Variants in NME7 observed in about 807,000 individuals in gnomAD.
NME7 encodes the protein NME/NM23 family member 7.
A neutral mutation model predicts 49.1 loss-of-function variants in NME7; 41 were observed. The observed-to-expected ratio is 0.83, with a 90% confidence interval of 0.65 to 1.08. NME7 has a LOEUF of 1.08. NME7 is among the 50% of genes least tolerant of loss of function. The pLI is 0.00. For synonymous variants in NME7, 139 were observed against 150.6 expected (o/e 0.92, Z 0.56); for missense variants, 423 against 463.4 (o/e 0.91, Z 0.80).
Position 169,265,409 on chromosome 1 carries a change from A to C in NME7, c.754+21894T>G, listed in dbSNP as rs1247144072. Among the ~76,000 whole-genome samples the C allele has an allele frequency of 1.5e-5, 2 of 133,690 alleles. 1 individual carries two copies. Among genetic ancestry groups the C allele is most frequent in the East Asian group, 3.9e-4 (2 of 5,068 alleles). The allele number at this position is 133,690 out of a possible 152,430, so 87.7% of individuals were successfully genotyped here. ...TAGGTAAATAATGAAATTAAGGCAG[A>C]AATCAAGAAGTTCTTTGAAATGAAT... is the stretch of plus-strand genomic sequence containing the variant. On this transcript the variant is annotated intron_variant, in intron 7 of 11. Coordinates refer to ENST00000367811, the MANE Select transcript of NME7 (RefSeq NM_013330.5).
chr1:169,272,983 A>C lies in NME7; in HGVS notation c.754+14320T>G, dbSNP rs192096108. On this transcript the variant is annotated intron_variant, in intron 7 of 11. Coordinates refer to ENST00000367811, the MANE Select transcript of NME7 (RefSeq NM_013330.5). The stretch of plus-strand genomic sequence containing the variant: ...GCTGTTTCTTGACTTTTCAATGATC[A>C]CCATTCGAACTGGCGTGAGATGGTA... Among the ~76,000 whole-genome samples the C allele has an allele frequency of 8.4e-3, 1,127 of 133,598 alleles. 139 individuals carry two copies. Among genetic ancestry groups the C allele is most frequent in the African/African-American group, 0.027 (1,055 of 39,514 alleles). 87.6% of individuals were successfully genotyped at this position (133,598 alleles called of 152,430 possible). A position where few individuals can be genotyped will look rare whatever the true frequency, so the allele number is the denominator to read the frequency against.
intron 11 of NME7, among the ~76,000 whole-genome samples, chr1:169,133,812 G>T (rs1658336228): frequency 2.0e-5 from 3 of 152,196 alleles, no homozygotes; most frequent in Admixed American, 1.3e-4. Context: ...AGCTCATTTT[G>T]TAAGGTGTAT....
chr1:169,220,112 T>C (rs922864575), intron 10 of NME7, among the ~76,000 whole-genome samples: 3 of 152,156 alleles, frequency 2.0e-5, no homozygotes, highest in African/African-American at 7.2e-5. Flanking sequence ...TTTCAACCCA[T>C]ATGTTGTTTT....
chr1:169,145,141 A>G (rs1298919041), intron 11 of NME7, among the ~76,000 whole-genome samples: 1 of 152,212 alleles, frequency 6.6e-6, no homozygotes, highest in Non-Finnish European at 1.5e-5. Context: ...GGTAATGAGA[A>G]AAGTGGAGAA....
At chr1:169,192,431 T>C (rs1464210832) in intron 10 of NME7, among the ~76,000 whole-genome samples, 3 of 152,282 alleles carry the variant, frequency 2.0e-5, no homozygotes, top group Admixed American at 6.5e-5. Context: ...TTACATAGCA[T>C]TTACATTGTA....
chr1:169,133,499 G>A (rs1484403532), intron 11 of NME7, among the ~76,000 whole-genome samples: 2 of 152,164 alleles, frequency 1.3e-5, no homozygotes, highest in East Asian at 3.9e-4. Context: ...AACAGCTTCA[G>A]TTTCCACCTA....
Position 169,324,500 on chromosome 1 carries a change from T to A in NME7, c.4A>T (p.Asn2Tyr). The change falls in exon 2 of 12, where the codon AAT becomes TAT. Residue 2 changes from asparagine (N) to tyrosine (Y), a missense_variant and splice_region_variant. Coordinates refer to ENST00000367811, the MANE Select transcript of NME7 (RefSeq NM_013330.5). M[N>Y]HSERFVFIAE... is the part of the protein sequence containing the mutation. ...ATGAAAACGAATCTTTCACTATGATTCTGCAAAGAAAGACAGAAGAATTTT... is the reference window on the plus strand; with the variant it reads ...ATGAAAACGAATCTTTCACTATGATACTGCAAAGAAAGACAGAAGAATTTT... The A allele has an allele frequency of 6.3e-7, 1 of 1,584,030 alleles. No homozygotes were observed. The highest frequency in any genetic ancestry group is 8.7e-7 in the Non-Finnish European group (1 of 1,153,350).
At chr1:169,218,659 ATTTT>A (rs34342694) in intron 10 of NME7, among the ~76,000 whole-genome samples, 1 of 118,200 alleles carries the variant, frequency 8.5e-6, no homozygotes, top group Non-Finnish European at 1.7e-5. Context: ...CCAATTTTGA[ATTTT>A]TTTTTTTTTT....
intron 10 of NME7, among the ~76,000 whole-genome samples, chr1:169,180,013 G>A (rs1049968824): frequency 2.0e-5 from 3 of 150,542 alleles, no homozygotes; most frequent in Middle Eastern, 3.5e-3. Flanking sequence ...AAGAAACAAT[G>A]GGTCTAACAA....
intron 7 of NME7, among the ~76,000 whole-genome samples, chr1:169,249,772 T>A (rs1204676253): frequency 6.6e-6 from 1 of 152,054 alleles, no homozygotes; most frequent in Non-Finnish European, 1.5e-5. Context: ...TTATCAGATG[T>A]ATCCCATTTA....
intron 7 of NME7, among the ~76,000 whole-genome samples, chr1:169,238,177 C>T (rs1431614170): frequency 6.6e-6 from 1 of 151,660 alleles, no homozygotes; most frequent in East Asian, 1.9e-4. Context: ...TGGGCTTATA[C>T]AGGGATAGGA....
At chr1:169,339,140 C>G (rs1652589034) in intron 1 of NME7, among the ~76,000 whole-genome samples, 1 of 152,044 alleles carries the variant, frequency 6.6e-6, no homozygotes, top group African/African-American at 2.4e-5. Flanking sequence ...GACAAAATGG[C>G]AAAAATCCAC....
chr1:169,138,749 T>C (rs1020609974), intron 11 of NME7, among the ~76,000 whole-genome samples: 1 of 152,042 alleles, frequency 6.6e-6, no homozygotes, highest in African/African-American at 2.4e-5. Flanking sequence ...ATATATGAAA[T>C]TAAAAACTCA....
chr1:169,342,636 GTATATATATATACAAGTACATATATA>G, intron 1 of NME7, among the ~76,000 whole-genome samples: 1 of 26,518 alleles, frequency 3.8e-5, no homozygotes, highest in Non-Finnish European at 6.2e-5. Context: ...CATATATATA[GTATATATATATACAAGTACATATATA>G]TATAGTATAT....
chr1:169,225,369 AAAGTGCTGGGATAACAGGTGGAACCAC>A (rs1302482181), intron 10 of NME7, among the ~76,000 whole-genome samples: 2 of 152,330 alleles, frequency 1.3e-5, no homozygotes, highest in South Asian at 4.1e-4. Flanking sequence ...TCAGCCTTCC[AAAGTGCTGGGATAACAGGTGGAACCAC>A]CCTGCTCGGT....
intron 11 of NME7, among the ~76,000 whole-genome samples, chr1:169,145,784 T>C (rs77979353): frequency 0.033 from 5,063 of 152,148 alleles, 116 homozygotes; most frequent in Middle Eastern, 0.071. Flanking sequence ...TGGAGGAAAA[T>C]CGAATTGTTA....
intron 3 of NME7, among the ~76,000 whole-genome samples, chr1:169,322,677 A>T (rs1049234921): frequency 2.0e-5 from 3 of 148,686 alleles, no homozygotes; most frequent in Admixed American, 6.7e-5. Context: ...ATTAGATATA[A>T]ATATATATAT....
intron 1 of NME7, among the ~76,000 whole-genome samples, chr1:169,344,153 G>T (rs12042990): frequency 0.083 from 12,618 of 152,226 alleles, 712 homozygotes; most frequent in Admixed American, 0.19. Flanking sequence ...TGGTGTCATT[G>T]TAAGTGGAGT....
chr1:169,151,415 G>A (rs577153187), intron 11 of NME7, among the ~76,000 whole-genome samples: 9 of 152,224 alleles, frequency 5.9e-5, no homozygotes, highest in East Asian at 1.9e-4. Context: ...CTCTTCACCC[G>A]CTCCTGACTC....
Sources: gnomAD v4.1 joint callset for allele counts (sites outside exome capture counted in the v4.1 genomes callset) on GRCh38, gnomAD v4.1.1 for gene constraint, MANE v1.5 for transcripts, NCBI Gene and HGNC (gene_info 2026-07-23, HGNC 2026-07-21) for gene names.